Variants in TMED10 observed in about 807,000 individuals in gnomAD.
TMED10 encodes the protein transmembrane emp24 domain-containing protein 10.
Under a neutral mutation model 23.1 loss-of-function variants are expected in TMED10, and 7 were observed. The ratio of observed to expected loss-of-function variants is 0.30; its 90% CI spans 0.17 to 0.57. The LOEUF is 0.57. Among genes scored for constraint, TMED10 ranks in the 20% least tolerant of loss-of-function variants. The pLI is 0.91. For synonymous variants in TMED10, 113 were observed against 106.9 expected, an observed-to-expected ratio of 1.06 and a Z score of -0.35; for missense variants, 162 against 274.8, an observed-to-expected ratio of 0.59 and a Z score of 2.90.
At position 75,176,472 on chromosome 14, in the gene TMED10, C is replaced by G. The variant is rs756096541; in HGVS notation, c.108G>C (p.Leu36=). The G allele has an allele frequency of 3.1e-6, 5 of 1,614,056 alleles. No homozygotes were observed. The highest frequency in any genetic ancestry group is 4.2e-6 in the Non-Finnish European group (5 of 1,180,034). The part of the protein sequence containing the change: ...PRLVLAISFH[L]PINSRKCLRE... ...GGAGGCACTTGCGAGAGTTAATGGG[C>G]AGATGGAAGGAGATGGCAAGGACCA... Residue 36 remains leucine, a synonymous_variant, in exon 1 of 5, where the codon CTG becomes CTC. Transcript: ENST00000303575.
chr14:75,162,252 A>G (rs4903290), intron 1 of TMED10, among the ~76,000 whole-genome samples: 83,690 of 151,926 alleles, frequency 0.55, 24,328 homozygotes, highest in African/African-American at 0.72. Context: ...GTGACAAAGC[A>G]AGGCTCTGTC....
intron 3 of TMED10, among the ~76,000 whole-genome samples, chr14:75,146,498 C>A (rs139789417): frequency 2.0e-5 from 3 of 152,266 alleles, no homozygotes; most frequent in Non-Finnish European, 4.4e-5. Flanking sequence ...CATGCCCTTA[C>A]GTACTGTTTT....
At chr14:75,166,993 G>A (rs1896172683) in intron 1 of TMED10, among the ~76,000 whole-genome samples, 1 of 146,332 alleles carries the variant, frequency 6.8e-6, no homozygotes, top group Non-Finnish European at 1.5e-5. Flanking sequence ...CCAGGCTGGA[G>A]TGCAGTGGCG....
intron 3 of TMED10, among the ~76,000 whole-genome samples, chr14:75,137,136 A>G (rs928961446): frequency 6.6e-6 from 1 of 150,552 alleles, no homozygotes; most frequent in African/African-American, 2.4e-5. Context: ...TCAGCCTCCT[A>G]AGTAGCTGGG....
intron 1 of TMED10, among the ~76,000 whole-genome samples, chr14:75,166,175 C>T (rs545158048): frequency 6.6e-6 from 1 of 152,128 alleles, no homozygotes; most frequent in Non-Finnish European, 1.5e-5. Flanking sequence ...CAAACAAAGT[C>T]TTGTTCTTTC....
intron 4 of TMED10, 107 bp downstream of exon 4, chr14:75,135,653 A>G (rs1478262189): frequency 1.3e-6 from 2 of 1,487,798 alleles, no homozygotes; most frequent in Admixed American, 2.2e-5. Context: ...TTTCCCCTCC[A>G]TATACCCACC....
chr14:75,166,152 T>C (rs1472320290), intron 1 of TMED10, among the ~76,000 whole-genome samples: 1 of 152,186 alleles, frequency 6.6e-6, no homozygotes, highest in Non-Finnish European at 1.5e-5. Context: ...GCGTGACCCT[T>C]TCATTATGAG....
chr14:75,154,726 C>T (rs1291605018), intron 1 of TMED10, among the ~76,000 whole-genome samples: 3 of 151,984 alleles, frequency 2.0e-5, no homozygotes, highest in Admixed American at 1.3e-4. Flanking sequence ...TGCAGTGATG[C>T]GATCTCGGCT....
At chr14:75,153,199 G>A (rs2139844745) in intron 1 of TMED10, among the ~76,000 whole-genome samples, 1 of 152,128 alleles carries the variant, frequency 6.6e-6, no homozygotes, top group East Asian at 1.9e-4. Context: ...GCATGGTGGT[G>A]CGCACCTATA....
chr14:75,137,688 A>G (rs1433742168), intron 3 of TMED10, among the ~76,000 whole-genome samples: 1 of 115,242 alleles, frequency 8.7e-6, no homozygotes, highest in African/African-American at 3.3e-5. Flanking sequence ...AAAAAAAAAA[A>G]AAATTCTGTT....
chr14:75,158,885 T>C (rs1397622459), intron 1 of TMED10, among the ~76,000 whole-genome samples: 5 of 152,112 alleles, frequency 3.3e-5, no homozygotes, highest in Admixed American at 2.6e-4. Flanking sequence ...GATCGCACCA[T>C]TGCGCTCTAG....
rs111830192 is a variant in TMED10 at position 75,151,826 on chromosome 14, A to G, written c.337+206T>C. Among the ~76,000 whole-genome samples the G allele has an allele frequency of 5.6e-3, 853 of 152,336 alleles. 8 individuals carry two copies. The highest frequency in any genetic ancestry group is 9.2e-3 in the Non-Finnish European group (625 of 68,024). The stretch of plus-strand genomic sequence containing the variant: ...TCATACAGAATATTTTTACTGCCCT[A>G]AAAATTCTCTCTGTTCCACCTATTC... On this transcript the variant is annotated intron_variant, in intron 2 of 4. Transcript: ENST00000303575.
Position 75,143,297 on chromosome 14 carries a change from C to T in TMED10, c.411+4367G>A, listed in dbSNP as rs181242661. On this transcript the variant is annotated intron_variant, in intron 3 of 4. Coordinates refer to ENST00000303575, the MANE Select transcript of TMED10 (RefSeq NM_006827.6). ...CAAAGCCTTTTTCTGTATAACACCT[C>T]CAAAATACCAGTAAAATTAAACTCT... Among the ~76,000 whole-genome samples, 279 of 152,246 alleles carry T rather than the reference C, an allele frequency of 1.8e-3. 2 individuals carry two copies. Among genetic ancestry groups the T allele is most frequent in the African/African-American group, 6.2e-3 (256 of 41,540 alleles).
intron 1 of TMED10, among the ~76,000 whole-genome samples, chr14:75,154,498 A>G (rs1252962182): frequency 6.7e-6 from 1 of 148,720 alleles, no homozygotes; most frequent in Non-Finnish European, 1.5e-5. Flanking sequence ...GAAAAAATTG[A>G]TAATAACTAA....
At chr14:75,163,552 CAAAAAAAAAAAAAAAA>C (rs758185921) in intron 1 of TMED10, among the ~76,000 whole-genome samples, 1 of 60,758 alleles carries the variant, frequency 1.6e-5, no homozygotes, top group Non-Finnish European at 3.0e-5. Flanking sequence ...GACTCCGTAT[CAAAAAAAAAAAAAAAA>C]AAAAAAAAAG....
chr14:75,140,956 G>C (rs1200172334), intron 3 of TMED10, among the ~76,000 whole-genome samples: 2 of 152,018 alleles, frequency 1.3e-5, no homozygotes, highest in East Asian at 3.8e-4. Context: ...TTTATTACCA[G>C]CTTAAAACAA....
intron 1 of TMED10, among the ~76,000 whole-genome samples, chr14:75,169,070 G>A (rs1385922530): frequency 6.6e-6 from 1 of 152,176 alleles, no homozygotes; most frequent in Non-Finnish European, 1.5e-5. Context: ...GAATGGAAGA[G>A]GGAAAGATCA....
Position 75,169,646 on chromosome 14 carries a change from G to A in TMED10, c.225+6709C>T, listed in dbSNP as rs146685759. Among the ~76,000 whole-genome samples, 933 of 151,988 alleles carry A rather than the reference G, an allele frequency of 6.1e-3. 9 individuals are homozygous for A. The highest frequency in any genetic ancestry group is 0.021 in the African/African-American group (878 of 41,438). On this transcript the variant is annotated intron_variant, in intron 1 of 4. Transcript: ENST00000303575. Reference sequence around the variant, plus strand: ...GCACTCCAGCCTGGGCAAAAAGAGCGCAACTCCATCTCAAAAAAAAGACTG... The same window carrying A: ...GCACTCCAGCCTGGGCAAAAAGAGCACAACTCCATCTCAAAAAAAAGACTG...
In TMED10 at chr14:75,166,267, C is replaced by T. The variant is rs190193666; in HGVS notation, c.225+10088G>A. 3.4e-3 allele frequency among the ~76,000 whole-genome samples: 512 copies of T among 152,286 alleles called. 2 individuals carry two copies. Among genetic ancestry groups the T allele is most frequent in the Non-Finnish European group, 5.6e-3 (383 of 68,032 alleles). On this transcript the variant is annotated intron_variant, in intron 1 of 4. Coordinates refer to ENST00000303575, the MANE Select transcript of TMED10 (RefSeq NM_006827.6). ...ACAGGATAAAGCAGATGACATCAAC[C>T]TCCCTCAAGTCGGAGACTTGTTTGG...
Sources: gnomAD v4.1 joint callset for allele counts (sites outside exome capture counted in the v4.1 genomes callset) on GRCh38, gnomAD v4.1.1 for gene constraint, MANE v1.5 for transcripts, NCBI Gene and HGNC (gene_info 2026-07-23, HGNC 2026-07-21) for gene names.